Variants in DOCK3 observed in about 807,000 individuals in gnomAD.
DOCK3 encodes dedicator of cytokinesis protein 3.
In DOCK3, 60 loss-of-function variants were observed where a neutral mutation model predicts 265.6. The observed-to-expected ratio is 0.23, with a 90% CI of 0.18 to 0.28. DOCK3 has a LOEUF of 0.28. Among genes scored for constraint, DOCK3 ranks in the 10% least tolerant of loss-of-function variants. The pLI, the probability that DOCK3 is intolerant of heterozygous loss-of-function variation, is 1.00. For missense variants in DOCK3, 1,981 were observed against 2,594.3 expected (o/e 0.76, Z 5.14); for synonymous variants, 881 against 938.0 (o/e 0.94, Z 1.11).
chr3:51,171,116 T>G (rs1473711116), intron 12 of DOCK3, among the ~76,000 whole-genome samples: 2 of 152,204 alleles, frequency 1.3e-5, no homozygotes, highest in Non-Finnish European at 1.5e-5. Context: ...TATTTTTTAG[T>G]TCCTTGAGAT....
At chr3:51,032,672 C>T (rs2080099414) in intron 5 of DOCK3, among the ~76,000 whole-genome samples, 2 of 152,036 alleles carry the variant, frequency 1.3e-5, no homozygotes, top group South Asian at 4.1e-4. Flanking sequence ...ACTCAGGAGG[C>T]TGAGGCAGGA....
intron 12 of DOCK3, among the ~76,000 whole-genome samples, chr3:51,173,295 A>AT (rs1404076989): frequency 6.6e-6 from 1 of 152,030 alleles, no homozygotes; most frequent in African/African-American, 2.4e-5. Flanking sequence ...TAATTGTTGT[A>AT]TTTTTTGTAG....
intron 5 of DOCK3, among the ~76,000 whole-genome samples, chr3:51,017,145 G>C (rs931043671): frequency 6.7e-6 from 1 of 149,060 alleles, no homozygotes; most frequent in Non-Finnish European, 1.5e-5. Context: ...TTTTTTTCTA[G>C]GTTTTTCAAT....
At chr3:50,688,120 C>T (rs894764393) in intron 1 of DOCK3, among the ~76,000 whole-genome samples, 8 of 152,212 alleles carry the variant, frequency 5.3e-5, no homozygotes, top group South Asian at 2.1e-4. Flanking sequence ...CAAATGTCCT[C>T]AGCAGCAGGC....
intron 37 of DOCK3, 27 bp downstream of exon 37, chr3:51,339,055 C>T (rs1258700403): frequency 1.3e-6 from 2 of 1,532,854 alleles, no homozygotes; most frequent in Admixed American, 2.0e-5. Flanking sequence ...GAGAGCCATG[C>T]CTGACCATGA....
intron 2 of DOCK3, among the ~76,000 whole-genome samples, chr3:50,799,107 C>T (rs2042940840): frequency 6.6e-6 from 1 of 152,120 alleles, no homozygotes; most frequent in South Asian, 2.1e-4. Context: ...CAGTATCATG[C>T]TGTTTTGGTT....
rs1010563850 is a variant in DOCK3 at position 51,333,109 on chromosome 3, G to C, written c.3516-49G>C. On this transcript the variant is annotated intron_variant, in intron 34 of 52. Transcript: ENST00000266037. ...CTCTTGGACTTCACTCTTGTGCCCA[G>C]GAGAAGGCTCATGAATTGTGTTTGC... 2.5e-6 allele frequency: 4 copies of C among 1,613,696 alleles called. No homozygotes were observed. The African/African-American group carries it at 5.3e-5, about 22-fold the overall frequency.
chr3:51,016,915 TAA>T (rs1491251328), intron 5 of DOCK3, among the ~76,000 whole-genome samples: 5 of 118,250 alleles, frequency 4.2e-5, no homozygotes, highest in African/African-American at 1.4e-4. Flanking sequence ...TGTTTATATA[TAA>T]ATATATTAAT....
intron 27 of DOCK3, among the ~76,000 whole-genome samples, chr3:51,293,682 T>C (rs895458609): frequency 6.6e-6 from 1 of 152,080 alleles, no homozygotes; most frequent in Non-Finnish European, 1.5e-5. Context: ...CACCTACAGA[T>C]TGGGAGAAAA....
At chr3:50,731,736 C>T (rs1245243938) in intron 1 of DOCK3, among the ~76,000 whole-genome samples, 1 of 152,124 alleles carries the variant, frequency 6.6e-6, no homozygotes, top group Non-Finnish European at 1.5e-5. Context: ...AAGGGCATCT[C>T]TGAAGAACCC....
At chr3:50,745,924 T>A (rs1184587652) in intron 1 of DOCK3, among the ~76,000 whole-genome samples, 1 of 152,192 alleles carries the variant, frequency 6.6e-6, no homozygotes, top group African/African-American at 2.4e-5. Context: ...TAGAGCTTCC[T>A]GTTCTGTCAT....
intron 2 of DOCK3, among the ~76,000 whole-genome samples, chr3:50,797,686 T>G (rs1307686065): frequency 1.3e-5 from 2 of 152,216 alleles, no homozygotes; most frequent in Non-Finnish European, 2.9e-5. Context: ...CCAGCATTTG[T>G]TACTTTTGTC....
intron 5 of DOCK3, among the ~76,000 whole-genome samples, chr3:50,998,861 A>T (rs2108671878): frequency 6.6e-6 from 1 of 152,350 alleles, no homozygotes; most frequent in East Asian, 1.9e-4. Context: ...CTGCAGTGTG[A>T]TTAAAAAGAT....
chr3:51,136,297 G>T (rs771797481), intron 9 of DOCK3, among the ~76,000 whole-genome samples: 3 of 151,270 alleles, frequency 2.0e-5, no homozygotes, highest in African/African-American at 4.9e-5. Flanking sequence ...GCACGATCTC[G>T]GCTCACTGCA....
intron 5 of DOCK3, among the ~76,000 whole-genome samples, chr3:51,011,367 A>T (rs1216947430): frequency 6.6e-6 from 1 of 151,906 alleles, no homozygotes; most frequent in Admixed American, 6.6e-5. Flanking sequence ...GCTTCATTTC[A>T]TTCATTTGAT....
intron 27 of DOCK3, among the ~76,000 whole-genome samples, chr3:51,307,409 G>A (rs546729031): frequency 1.8e-4 from 28 of 152,150 alleles, no homozygotes; most frequent in Non-Finnish European, 3.8e-4. Context: ...GAGCCACCAT[G>A]CCTGGACCCA....
intron 5 of DOCK3, among the ~76,000 whole-genome samples, chr3:51,061,094 A>G (rs1185745988): frequency 6.6e-6 from 1 of 152,210 alleles, no homozygotes; most frequent in African/African-American, 2.4e-5. Flanking sequence ...AGAAATAGGA[A>G]CACTTTTACA....
chr3:50,997,399 C>T (rs929310711), intron 5 of DOCK3, among the ~76,000 whole-genome samples: 2 of 151,826 alleles, frequency 1.3e-5, no homozygotes, highest in Admixed American at 6.6e-5. Context: ...AGTGTACAGA[C>T]AAAAGCTTGG....
chr3:51,005,860 A>G (rs929598039), intron 5 of DOCK3, among the ~76,000 whole-genome samples: 2 of 152,242 alleles, frequency 1.3e-5, no homozygotes, highest in East Asian at 3.9e-4. Context: ...ACCAGATGTC[A>G]TTCTTTTGCC....
Sources: gnomAD v4.1 joint callset for allele counts (sites outside exome capture counted in the v4.1 genomes callset) on GRCh38, gnomAD v4.1.1 for gene constraint, MANE v1.5 for transcripts, NCBI Gene and HGNC (gene_info 2026-07-23, HGNC 2026-07-21) for gene names.